LARGE1: variants seen among roughly 807,000 people sequenced by gnomAD.
The protein encoded by LARGE1 is xylosyl- and glucuronyltransferase LARGE1.
Under a neutral mutation model 87.6 loss-of-function variants are expected in LARGE1, and 43 were observed. That is an observed-to-expected ratio of 0.49 (90% CI 0.38 to 0.63). The LOEUF (loss-of-function observed/expected upper bound fraction) is 0.63. Ranked by LOEUF, LARGE1 falls within the 30% of genes least tolerant of loss-of-function variation. The pLI is 0.00. For synonymous variants in LARGE1, 434 were observed against 394.6 expected, an observed-to-expected ratio of 1.10 and a Z score of -1.18; for missense variants, 802 against 1,000.2, an observed-to-expected ratio of 0.80 and a Z score of 2.67.
chr22:33,767,931 C>T (rs1426747505), intron 1 of LARGE1, among the ~76,000 whole-genome samples: 1 of 152,244 alleles, frequency 6.6e-6, no homozygotes, highest in Non-Finnish European at 1.5e-5. Flanking sequence ...CACATTGTCA[C>T]TCGTCTTCAG....
At chr22:33,531,951 G>T (rs913416437) in intron 6 of LARGE1, among the ~76,000 whole-genome samples, 1 of 152,194 alleles carries the variant, frequency 6.6e-6, no homozygotes, top group Admixed American at 6.5e-5. Flanking sequence ...TGCAAGGTGG[G>T]GATTGCAAGG....
intron 11 of LARGE1, among the ~76,000 whole-genome samples, chr22:33,219,936 C>T (rs959452293): frequency 6.6e-6 from 1 of 152,078 alleles, no homozygotes; most frequent in African/African-American, 2.4e-5. Flanking sequence ...GGAATCCTCC[C>T]CTCACACAGC....
In LARGE1 at chr22:33,553,516, A is replaced by AAAAAC. The variant is rs1315823049; in HGVS notation, c.787+11327_787+11331dup. Among the ~76,000 whole-genome samples the AAAAAC allele has an allele frequency of 7.9e-5, 12 of 152,178 alleles. No homozygotes were observed. The South Asian group carries it at 1.0e-3, about 13-fold the overall frequency. The stretch of plus-strand genomic sequence containing the variant: ...GGGTGACACAACAAGACCCTGTCAC[A>AAAAAC]AAAACAAAACAAAACAAAACAAAAT... On this transcript the variant is annotated intron_variant, in intron 6 of 14. Transcript: ENST00000397394.
the LARGE1 span, among the ~76,000 whole-genome samples, chr22:33,085,515 G>T: frequency 7.2e-6 from 1 of 139,540 alleles, no homozygotes; most frequent in Non-Finnish European, 1.7e-5. Context: ...TAACTCTTAT[G>T]TCAACTCAGT....
chr22:33,171,935 A>T (rs1452618350), intron 11 of LARGE1, among the ~76,000 whole-genome samples: 1 of 152,134 alleles, frequency 6.6e-6, no homozygotes, highest in Non-Finnish European at 1.5e-5. Flanking sequence ...ATACACCTGG[A>T]AACACCACAG....
intron 2 of LARGE1, among the ~76,000 whole-genome samples, chr22:33,721,588 G>A (rs567599961): frequency 2.0e-5 from 3 of 152,310 alleles, no homozygotes; most frequent in African/African-American, 4.8e-5. Flanking sequence ...CTTTAAAGAC[G>A]ATCTTCTAAG....
At chr22:33,757,295 C>A (rs1175423031) in intron 2 of LARGE1, among the ~76,000 whole-genome samples, 1 of 152,162 alleles carries the variant, frequency 6.6e-6, no homozygotes, top group Admixed American at 6.5e-5. Context: ...AAGCCTAAGC[C>A]GACTCCCTCT....
intron 2 of LARGE1, among the ~76,000 whole-genome samples, chr22:33,740,158 T>C (rs541596281): frequency 6.6e-6 from 1 of 152,284 alleles, no homozygotes; most frequent in South Asian, 2.1e-4. Flanking sequence ...GACTCAAGCG[T>C]GGTCTTCTGA....
intron 6 of LARGE1, among the ~76,000 whole-genome samples, chr22:33,554,048 T>G (rs146553217): frequency 3.3e-4 from 50 of 152,254 alleles, no homozygotes; most frequent in African/African-American, 1.1e-3. Context: ...CAGCGGCAGC[T>G]GGAGGCAGCA....
chr22:33,139,102 G>A, the LARGE1 span, among the ~76,000 whole-genome samples: 19 of 152,086 alleles, frequency 1.2e-4, no homozygotes, highest in East Asian at 5.8e-4. Flanking sequence ...GCCTTCCACC[G>A]TGATTGTGAG....
intron 12 of LARGE1, among the ~76,000 whole-genome samples, chr22:33,289,060 G>T (rs1035710819): frequency 6.6e-6 from 1 of 152,014 alleles, no homozygotes; most frequent in African/African-American, 2.4e-5. Flanking sequence ...CCGGGTTCAC[G>T]CCATTCTCCT....
intron 3 of LARGE1, among the ~76,000 whole-genome samples, chr22:33,632,445 C>T (rs1000827928): frequency 6.6e-6 from 1 of 152,100 alleles, no homozygotes; most frequent in South Asian, 2.1e-4. Flanking sequence ...TTGTAGACCA[C>T]GTTAAGTGGG....
At chr22:33,801,480 C>A (rs1270623273) in intron 1 of LARGE1, among the ~76,000 whole-genome samples, 1 of 152,106 alleles carries the variant, frequency 6.6e-6, no homozygotes, top group Non-Finnish European at 1.5e-5. Context: ...TTTTCATGCG[C>A]TTATTTCCCA....
intron 1 of LARGE1, among the ~76,000 whole-genome samples, chr22:33,845,919 A>G (rs1260230720): frequency 1.3e-5 from 2 of 152,206 alleles, no homozygotes; most frequent in Non-Finnish European, 2.9e-5. Context: ...TCATTACCAC[A>G]CTAAGAAAAG....
chr22:33,709,721 G>A (rs920507151), intron 2 of LARGE1, among the ~76,000 whole-genome samples: 12 of 151,356 alleles, frequency 7.9e-5, no homozygotes, highest in African/African-American at 2.9e-4. Context: ...CACCTCCCGG[G>A]TTCACACCAT....
intron 11 of LARGE1, among the ~76,000 whole-genome samples, chr22:33,219,886 G>C (rs981681278): frequency 6.6e-6 from 1 of 152,118 alleles, no homozygotes; most frequent in Non-Finnish European, 1.5e-5. Context: ...ACTGTCACAA[G>C]GGACAGTTTG....
intron 9 of LARGE1, among the ~76,000 whole-genome samples, chr22:33,377,608 G>C (rs2065029305): frequency 1.3e-5 from 2 of 152,116 alleles, no homozygotes. Flanking sequence ...TCTTATACTT[G>C]AAAGATTATT....
At chr22:33,879,482 T>C (rs151226460) in intron 1 of LARGE1, among the ~76,000 whole-genome samples, 104 of 152,310 alleles carry the variant, frequency 6.8e-4, no homozygotes, top group African/African-American at 2.3e-3. Context: ...AGTGGCAGAG[T>C]AGACTTCAAA....
chr22:33,489,895 C>T lies in LARGE1; in HGVS notation c.788-57630G>A, dbSNP rs563343020. 3.9e-5 allele frequency among the ~76,000 whole-genome samples: 6 copies of T among 152,268 alleles called. No homozygotes were observed. In the East Asian group the frequency reaches 5.8e-4, roughly 15 times the overall value. ...GAAGTGCTAAGTGGACATGAACAAGCGTAGATGGGGCTGGGCTGGGTGGTG... is the reference window on the plus strand; with the variant it reads ...GAAGTGCTAAGTGGACATGAACAAGTGTAGATGGGGCTGGGCTGGGTGGTG... On this transcript the variant is annotated intron_variant, in intron 6 of 14. Transcript: ENST00000397394.
Sources: allele counts gnomAD v4.1 joint callset (sites outside exome capture counted in the v4.1 genomes callset), GRCh38; gene constraint gnomAD v4.1.1; transcripts MANE v1.5; gene names NCBI Gene and HGNC (gene_info 2026-07-23, HGNC 2026-07-21).